PHLPP2: variants seen among roughly 807,000 people sequenced by gnomAD.
PHLPP2 encodes PH domain leucine-rich repeat-containing protein phosphatase 2.
Under a neutral mutation model 124.9 loss-of-function variants are expected in PHLPP2, and 66 were observed. The observed-to-expected ratio is 0.53, with a 90% confidence interval of 0.43 to 0.65. The LOEUF is 0.65. PHLPP2 is among the 30% of genes least tolerant of loss of function. The probability of loss-of-function intolerance (pLI) is 0.00; values close to 1 mark genes in which losing one functional copy is unlikely to be tolerated. For missense variants in PHLPP2, 1,685 were observed against 1,600.4 expected (o/e 1.05, Z -0.90); for synonymous variants, 681 against 624.7 (o/e 1.09, Z -1.34).
chr16:71,697,165 T>C (rs531555318), intron 3 of PHLPP2, among the ~76,000 whole-genome samples: 2 of 144,012 alleles, frequency 1.4e-5, no homozygotes, highest in Non-Finnish European at 3.0e-5. Flanking sequence ...AGAGCAAGAC[T>C]CTGTCTCAAT....
intron 2 of PHLPP2, among the ~76,000 whole-genome samples, chr16:71,713,112 T>C (rs1387347207): frequency 3.3e-5 from 5 of 152,212 alleles, no homozygotes; most frequent in Non-Finnish European, 5.9e-5. Flanking sequence ...CATGAAAATA[T>C]GCTCATTAAG....
chr16:71,654,213 A>AG (rs1218704550), intron 17 of PHLPP2, among the ~76,000 whole-genome samples: 3 of 148,984 alleles, frequency 2.0e-5, no homozygotes, highest in Non-Finnish European at 4.5e-5. Context: ...AGAAAAAAAA[A>AG]AAAAAAAAAA....
At chr16:71,711,156 C>T (rs1022032393) in intron 2 of PHLPP2, among the ~76,000 whole-genome samples, 1 of 151,874 alleles carries the variant, frequency 6.6e-6, no homozygotes, top group Non-Finnish European at 1.5e-5. Flanking sequence ...ATGGAGAAAC[C>T]CCGTCTCTAC....
In PHLPP2 at chr16:71,720,875, G is replaced by GA. The variant is rs35717730; in HGVS notation, c.-7+3453dup. 7.9e-3 allele frequency among the ~76,000 whole-genome samples: 1,073 copies of GA among 135,870 alleles called. 7 individuals carry two copies. Among genetic ancestry groups the GA allele is most frequent in the African/African-American group, 0.025 (887 of 35,434 alleles). The allele number at this position is 135,870 out of a possible 152,430, so 89.1% of individuals were successfully genotyped here. A position where few individuals can be genotyped will look rare whatever the true frequency, so the allele number is the denominator to read the frequency against. On this transcript the variant is annotated intron_variant, in intron 1 of 18. Coordinates refer to ENST00000568954, the MANE Select transcript of PHLPP2 (RefSeq NM_015020.3). ...CACCTCGGAAAAAAAAACAAAAGAC[G>GA]AAAAAAAAAAAAACAATGTGAAATA...
At chr16:71,668,403 G>A (rs189022160) in intron 11 of PHLPP2, among the ~76,000 whole-genome samples, 4 of 111,620 alleles carry the variant, frequency 3.6e-5, no homozygotes, top group South Asian at 6.6e-4. Context: ...GCGATAGAGC[G>A]AGACTCTGTC....
chr16:71,686,083 G>A lies in PHLPP2; in HGVS notation c.610-1482C>T, dbSNP rs1386405555. On this transcript the variant is annotated intron_variant, in intron 4 of 18. Coordinates refer to ENST00000568954, the MANE Select transcript of PHLPP2 (RefSeq NM_015020.3). ...ATCGTGCCACTGCACTCCAGCCTGG[G>A]TGACAGAGCGAGACTCTGTCTCAAA... is the stretch of plus-strand genomic sequence containing the variant. 2.0e-5 allele frequency among the ~76,000 whole-genome samples: 3 copies of A among 152,300 alleles called. No homozygotes were observed. In the East Asian group the frequency reaches 5.8e-4, roughly 29 times the overall value.
Position 71,648,577 on chromosome 16 carries a change from C to T in PHLPP2, c.*313G>A, listed in dbSNP as rs181074659. The T allele has an allele frequency of 7.9e-3, 2,513 of 317,786 alleles. 24 individuals are homozygous for T. Among genetic ancestry groups the T allele is most frequent in the Non-Finnish European group, 0.011 (1,870 of 171,162 alleles). 19.7% of individuals were successfully genotyped at this position (317,786 alleles called of 1,614,324 possible). The stretch of plus-strand genomic sequence containing the variant: ...CTGAGGTCAAGAGTTCAACACCAGC[C>T]TGGCCAACATGGTGAAACCCCGTCT... On this transcript the variant is annotated 3_prime_UTR_variant, in exon 19 of 19. Transcript: ENST00000568954.
chr16:71,694,325 G>A (rs1344104441), intron 3 of PHLPP2, among the ~76,000 whole-genome samples: 1 of 152,048 alleles, frequency 6.6e-6, no homozygotes, highest in East Asian at 1.9e-4. Flanking sequence ...GCTGGGCATG[G>A]TGGCAGACAC....
At chr16:71,663,571 A>G (rs1409071730) in intron 13 of PHLPP2, among the ~76,000 whole-genome samples, 1 of 152,274 alleles carries the variant, frequency 6.6e-6, no homozygotes, top group Non-Finnish European at 1.5e-5. Context: ...AGATAACAGT[A>G]TTTTACAAAA....
rs147607784 is a variant in PHLPP2 at position 71,674,140 on chromosome 16, T to C, written c.1472-1818A>G. On this transcript the variant is annotated intron_variant, in intron 9 of 18. Transcript: ENST00000568954. ...TTGCCCAAGCTGGAGTGTAATGGCA[T>C]GACCTTGGCTCACTGCAACCTCCAC... 1.9e-3 allele frequency among the ~76,000 whole-genome samples: 288 copies of C among 151,732 alleles called. 1 individual carries two copies. Among genetic ancestry groups the C allele is most frequent in the African/African-American group, 6.4e-3 (266 of 41,370 alleles).
At chr16:71,682,801 T>G (rs1233889925) in intron 5 of PHLPP2, among the ~76,000 whole-genome samples, 1 of 152,160 alleles carries the variant, frequency 6.6e-6, no homozygotes, top group Non-Finnish European at 1.5e-5. Flanking sequence ...AAAACAAGCT[T>G]GATAGTTCTA....
chr16:71,645,420 G>A lies in PHLPP2; in HGVS notation c.*3470C>T, dbSNP rs1464887087. ...AAGTGACACTAGACAGTCCTATAGT[G>A]ATGCTGAAGACATCACTGAATGGCT... On this transcript the variant is annotated 3_prime_UTR_variant, in exon 19 of 19. Coordinates refer to ENST00000568954, the MANE Select transcript of PHLPP2 (RefSeq NM_015020.3). The A allele has an allele frequency of 6.6e-6, 1 of 152,664 alleles. No homozygotes were observed. Among genetic ancestry groups the A allele is most frequent in the East Asian group, 1.9e-4 (1 of 5,198 alleles). 9.5% of individuals were successfully genotyped at this position (152,664 alleles called of 1,614,324 possible). A position where few individuals can be genotyped will look rare whatever the true frequency, so the allele number is the denominator to read the frequency against.
At position 71,652,861 on chromosome 16, in the gene PHLPP2, T is replaced by C. The variant is rs780271552; in HGVS notation, c.2746A>G (p.Lys916Glu). ...GGGTCCTGCTCCAGGCTGAAGACTT[T>C]AGAGAGGGGCACTGGCTTCCCACCT... ...CRGGKPVPLS[K>E]VFSLEQDPEE... is the part of the protein sequence containing the mutation. Residue 916 changes from lysine to glutamate, a missense_variant, in exon 18 of 19, where the codon AAA (lysine) becomes GAA (glutamate). Transcript: ENST00000568954. 9.9e-6 allele frequency: 16 copies of C among 1,614,050 alleles called. No individual in the cohort carries two copies. The highest frequency in any genetic ancestry group is 1.3e-5 in the Non-Finnish European group (15 of 1,180,038).
intron 3 of PHLPP2, among the ~76,000 whole-genome samples, chr16:71,697,215 T>TAAATAAAA (rs1555547739): frequency 2.4e-3 from 198 of 82,654 alleles, no homozygotes; most frequent in Middle Eastern, 0.016. Flanking sequence ...AATAAATAAA[T>TAAATAAAA]AAAAAGAAAC....
chr16:71,654,343 G>A (rs1355530856), intron 17 of PHLPP2, among the ~76,000 whole-genome samples: 1 of 151,660 alleles, frequency 6.6e-6, no homozygotes, highest in Non-Finnish European at 1.5e-5. Context: ...CTCCATTACA[G>A]TTAGGTTATA....
chr16:71,689,090 A>G (rs780572753), intron 4 of PHLPP2, among the ~76,000 whole-genome samples: 4 of 152,212 alleles, frequency 2.6e-5, no homozygotes, highest in East Asian at 1.9e-4. Flanking sequence ...CTAAATACTT[A>G]TAAGAGCCAA....
At chr16:71,684,155 C>T (rs1376067209) in intron 5 of PHLPP2, among the ~76,000 whole-genome samples, 2 of 129,996 alleles carry the variant, frequency 1.5e-5, no homozygotes, top group Non-Finnish European at 3.1e-5. Context: ...GAGATAGAGT[C>T]TTGCTCTGTC....
rs2044658180 is a variant in PHLPP2 at position 71,646,990 on chromosome 16, AATT to A, written c.*1897_*1899del. ...GGCCTCTGAGAAGATGAAGACACAT[AATT>A]ATTATGGACAGGTCATCTGATTTTG... is the stretch of plus-strand genomic sequence containing the variant. On this transcript the variant is annotated 3_prime_UTR_variant, in exon 19 of 19. Coordinates refer to ENST00000568954, the MANE Select transcript of PHLPP2 (RefSeq NM_015020.3). 1 of 152,586 alleles carries A rather than the reference AATT, an allele frequency of 6.6e-6. No homozygotes were observed. Among genetic ancestry groups the A allele is most frequent in the African/African-American group, 2.4e-5 (1 of 41,430 alleles). 9.5% of individuals were successfully genotyped at this position (152,586 alleles called of 1,614,324 possible). A position where few individuals can be genotyped will look rare whatever the true frequency, so the allele number is the denominator to read the frequency against.
rs563277663 is a variant in PHLPP2 at position 71,716,389 on chromosome 16, CT to C, written c.-6-1589del. ...CACAAATATACTTTCCATTCCTGCC[CT>C]GTTTCAAAAAAAATTAATGTCGCAT... On this transcript the variant is annotated intron_variant, in intron 1 of 18. Coordinates refer to ENST00000568954, the MANE Select transcript of PHLPP2 (RefSeq NM_015020.3). Among the ~76,000 whole-genome samples the C allele has an allele frequency of 1.2e-4, 18 of 152,158 alleles. No individual in the cohort carries two copies. In the South Asian group the frequency reaches 3.7e-3, roughly 32 times the overall value.
Sources: gnomAD v4.1 joint callset for allele counts (sites outside exome capture counted in the v4.1 genomes callset) on GRCh38, gnomAD v4.1.1 for gene constraint, MANE v1.5 for transcripts, NCBI Gene and HGNC (gene_info 2026-07-23, HGNC 2026-07-21) for gene names.